The following HACE1 variants were observed in gnomAD, a reference collection of about 807,000 sequenced individuals.
The protein encoded by HACE1 is E3 ubiquitin-protein ligase HACE1.
In HACE1, 73 loss-of-function variants were observed where a neutral mutation model predicts 118.4. The ratio of observed to expected loss-of-function variants is 0.62; its 90% CI spans 0.51 to 0.75. The LOEUF is 0.75. HACE1 is among the 30% of genes least tolerant of loss of function. The pLI is 0.00. For missense variants in HACE1, 749 were observed against 1,102.2 expected, an observed-to-expected ratio of 0.68 and a Z score of 4.54; for synonymous variants, 368 against 374.8, an observed-to-expected ratio of 0.98 and a Z score of 0.21.
chr6:104,780,319 T>C (rs1461449231), intron 14 of HACE1: 2 of 446,934 alleles, frequency 4.5e-6, no homozygotes, highest in South Asian at 3.2e-5. Flanking sequence ...CACAGCCAAA[T>C]GGTACATTTT....
At chr6:104,791,413 G>C in intron 11 of HACE1, 91 bp downstream of exon 11, 2 of 1,179,578 alleles carry the variant, frequency 1.7e-6, no homozygotes, top group Non-Finnish European at 2.5e-6. Flanking sequence ...CTTACAACCT[G>C]TTCATGAGCT....
chr6:104,729,479 CACAA>C lies in HACE1; in HGVS notation c.*179_*182del, dbSNP rs1303801696. The C allele has an allele frequency of 4.9e-6, 3 of 607,182 alleles. No homozygotes were observed. Among genetic ancestry groups the C allele is most frequent in the Admixed American group, 2.9e-5 (1 of 34,798 alleles). The allele number at this position is 607,182 out of a possible 1,614,324, so 37.6% of individuals were successfully genotyped here. ...GTGATTTTATATTTTCTAATTGTAT[CACAA>C]ACAGAGAAAACATAAAAGGGAAAAG... On this transcript the variant is annotated 3_prime_UTR_variant, in exon 24 of 24. Transcript: ENST00000262903.
At chr6:104,752,492 A>G (rs181339442) in intron 19 of HACE1, among the ~76,000 whole-genome samples, 1 of 151,904 alleles carries the variant, frequency 6.6e-6, no homozygotes, top group Admixed American at 6.6e-5. Flanking sequence ...TATATTTTTT[A>G]AGATGCCAGG....
intron 14 of HACE1, among the ~76,000 whole-genome samples, chr6:104,781,753 A>C (rs1781767351): frequency 1.3e-5 from 2 of 151,850 alleles, no homozygotes; most frequent in Non-Finnish European, 2.9e-5. Flanking sequence ...TCCTTATGCC[A>C]CTCTAACCCA....
intron 22 of HACE1, among the ~76,000 whole-genome samples, chr6:104,734,467 T>C (rs760498964): frequency 3.9e-5 from 6 of 152,156 alleles, no homozygotes; most frequent in Non-Finnish European, 8.8e-5. Context: ...ACAAGTACTA[T>C]ACCTATACTA....
At chr6:104,855,690 C>T (rs1776651985) in intron 1 of HACE1, among the ~76,000 whole-genome samples, 1 of 152,092 alleles carries the variant, frequency 6.6e-6, no homozygotes, top group African/African-American at 2.4e-5. Flanking sequence ...CTTGGCATGA[C>T]AACATTCTTT....
intron 17 of HACE1, among the ~76,000 whole-genome samples, chr6:104,774,473 C>G (rs970727921): frequency 2.0e-5 from 3 of 151,894 alleles, no homozygotes; most frequent in African/African-American, 7.3e-5. Context: ...CAACCTCCAC[C>G]TCCTGGGTTC....
At chr6:104,809,851 A>G in intron 7 of HACE1, among the ~76,000 whole-genome samples, 1 of 151,954 alleles carries the variant, frequency 6.6e-6, no homozygotes, top group Non-Finnish European at 1.5e-5. Flanking sequence ...AGAACTTACT[A>G]ATAAATTCCA....
intron 4 of HACE1, among the ~76,000 whole-genome samples, chr6:104,848,178 G>A (rs908022410): frequency 5.9e-5 from 9 of 151,288 alleles, no homozygotes; most frequent in East Asian, 4.0e-4. Context: ...TGTTTAGGCC[G>A]GGTGCGGTGG....
At chr6:104,840,554 C>A (rs1051225188) in intron 5 of HACE1, among the ~76,000 whole-genome samples, 20 of 152,062 alleles carry the variant, frequency 1.3e-4, no homozygotes, top group Middle Eastern at 3.2e-3. Flanking sequence ...AGAGGCCCGT[C>A]GCGGTGGCTC....
intron 6 of HACE1, among the ~76,000 whole-genome samples, chr6:104,813,680 T>C (rs1039080012): frequency 7.2e-6 from 1 of 138,152 alleles, no homozygotes; most frequent in African/African-American, 2.9e-5. Flanking sequence ...TCAAACCAAG[T>C]AGTCAACAAA....
chr6:104,745,045 G>A (rs1582630402), intron 20 of HACE1, among the ~76,000 whole-genome samples: 1 of 151,930 alleles, frequency 6.6e-6, no homozygotes, highest in East Asian at 1.9e-4. Context: ...CTAAACAAGG[G>A]GAAAGTCATC....
chr6:104,753,444 A>T (rs916627865), intron 19 of HACE1, among the ~76,000 whole-genome samples: 59 of 152,118 alleles, frequency 3.9e-4, no homozygotes, highest in African/African-American at 1.4e-3. Context: ...ACTTGTTAAG[A>T]TCTCCCAGCA....
At chr6:104,788,463 G>A (rs1276015320) in intron 11 of HACE1, among the ~76,000 whole-genome samples, 18 of 152,102 alleles carry the variant, frequency 1.2e-4, no homozygotes, top group Admixed American at 1.2e-3. Context: ...GTGCTGAAAT[G>A]AGGAATGAAT....
At chr6:104,843,097 C>A in intron 5 of HACE1, 126 bp downstream of exon 5, 2 of 703,914 alleles carry the variant, frequency 2.8e-6, no homozygotes, top group Non-Finnish European at 5.2e-6. Context: ...AGTGACAGAG[C>A]GAGACTCTGT....
intron 22 of HACE1, among the ~76,000 whole-genome samples, chr6:104,738,323 A>C (rs1776179930): frequency 6.6e-6 from 1 of 152,122 alleles, no homozygotes; most frequent in African/African-American, 2.4e-5. Flanking sequence ...ATGGAGAATG[A>C]CTTTGATGAG....
chr6:104,809,821 A>G (rs1261695388), intron 7 of HACE1, among the ~76,000 whole-genome samples: 1 of 152,000 alleles, frequency 6.6e-6, no homozygotes, highest in Admixed American at 6.6e-5. Flanking sequence ...TTCCGAACAT[A>G]TTCTGAAGGT....
chr6:104,769,682 C>T (rs1165883295), intron 19 of HACE1, among the ~76,000 whole-genome samples: 3 of 152,122 alleles, frequency 2.0e-5, no homozygotes, highest in African/African-American at 7.2e-5. Context: ...GTATGAAGAA[C>T]ATTAGACTTG....
intron 4 of HACE1, among the ~76,000 whole-genome samples, chr6:104,843,787 A>T (rs1298907630): frequency 6.6e-6 from 1 of 152,004 alleles, no homozygotes; most frequent in Non-Finnish European, 1.5e-5. Context: ...TACTCACTGG[A>T]GGGTGAGGAG....
Sources: allele counts gnomAD v4.1 joint callset (sites outside exome capture counted in the v4.1 genomes callset), GRCh38; gene constraint gnomAD v4.1.1; transcripts MANE v1.5; gene names NCBI Gene and HGNC (gene_info 2026-07-23, HGNC 2026-07-21).